Variants in TRPC5 observed in about 807,000 individuals in gnomAD.
TRPC5 encodes the protein transient receptor potential cation channel subfamily C member 5.
In TRPC5, 9 loss-of-function variants were observed where a neutral mutation model predicts 56.5. The ratio of observed to expected loss-of-function variants is 0.16; its 90% CI spans 0.10 to 0.28. TRPC5 has a LOEUF of 0.28. Ranked by LOEUF, TRPC5 falls within the 10% of genes least tolerant of loss-of-function variation. TRPC5 has a pLI of 1.00. For synonymous variants in TRPC5, 282 were observed against 278.5 expected (o/e 1.01, Z -0.13); for missense variants, 469 against 748.9 (o/e 0.63, Z 4.36).
chrX:111,964,906 A>G (rs990135719), intron 1 of TRPC5, among the ~76,000 whole-genome samples: 1 of 112,008 alleles, frequency 8.9e-6, no homozygotes, highest in Non-Finnish European at 1.9e-5. Context: ...CTAGGAAGAA[A>G]CTGCATCAAC....
chrX:111,853,831 G>T lies in TRPC5; in HGVS notation c.1176C>A (p.Asp392Glu). 2.5e-6 allele frequency: 3 copies of T among 1,212,085 alleles called. No individual in the cohort carries two copies. The highest frequency in any genetic ancestry group is 3.3e-6 in the Non-Finnish European group (3 of 895,590). Reference sequence around the variant, plus strand: ...TTGGGGGAGGCCCCTGTACATGAAGGTCTGTCCTGACAATGTGCTGAGAAG... The same window carrying T: ...TTGGGGGAGGCCCCTGTACATGAAGTTCTGTCCTGACAATGTGCTGAGAAG... The part of the protein sequence containing the change: ...LLASQHIVRT[D>E]LHVQGPPPTV... Residue 392 changes from aspartate to glutamate, a missense_variant, in exon 4 of 11, where the codon GAC becomes GAA. Coordinates refer to ENST00000262839, the MANE Select transcript of TRPC5 (RefSeq NM_012471.3).
At chrX:111,779,409 G>A (rs778320022) in intron 9 of TRPC5, among the ~76,000 whole-genome samples, 3 of 111,866 alleles carry the variant, frequency 2.7e-5, no homozygotes, top group Non-Finnish European at 5.6e-5. Context: ...ATAGTAAAAC[G>A]AGAGTTTTAT....
At chrX:111,917,824 G>A (rs1306471772) in intron 2 of TRPC5, among the ~76,000 whole-genome samples, 1 of 112,686 alleles carries the variant, frequency 8.9e-6, no homozygotes, top group African/African-American at 3.2e-5. Context: ...CCTGCCTCAG[G>A]TTCCATCATT....
chrX:111,951,888 T>G (rs959359274), intron 2 of TRPC5, among the ~76,000 whole-genome samples, 155 bp downstream of exon 2: 1 of 111,634 alleles, frequency 9.0e-6, no homozygotes, highest in African/African-American at 3.3e-5. Flanking sequence ...ATGGGCCACG[T>G]AGGGTAGCTC....
At chrX:111,935,461 C>T (rs761068150) in intron 2 of TRPC5, among the ~76,000 whole-genome samples, 1 of 111,796 alleles carries the variant, frequency 8.9e-6, no homozygotes, top group African/African-American at 3.3e-5. Context: ...TATGCAGAAG[C>T]TTTTTAATGT....
At chrX:111,991,394 G>C in intron 1 of TRPC5, among the ~76,000 whole-genome samples, 1 of 112,155 alleles carries the variant, frequency 8.9e-6, no homozygotes, top group Non-Finnish European at 1.9e-5. Flanking sequence ...TCATCATTTA[G>C]ATAATGTTAA....
At chrX:111,836,238 T>G (rs1444504019) in intron 6 of TRPC5, among the ~76,000 whole-genome samples, 1 of 112,256 alleles carries the variant, frequency 8.9e-6, no homozygotes, top group Admixed American at 9.5e-5. Context: ...GAAATCTGAA[T>G]ACAGCAATAA....
rs1344779572 is a variant in TRPC5, at chrX:111,844,395, A to C, written c.1700+2719T>G. On this transcript the variant is annotated intron_variant, in intron 6 of 10. Transcript: ENST00000262839. ...TGTCATGTGGTTGTCAGCAAGGACA[A>C]TGAGTTTCCCTTAAATTGTATGCCT... Among the ~76,000 whole-genome samples the C allele has an allele frequency of 1.8e-4, 20 of 111,148 alleles. No individual in the cohort carries two copies. The Admixed American group carries it at 1.9e-3, about 11-fold the overall frequency.
intron 1 of TRPC5, among the ~76,000 whole-genome samples, chrX:111,963,673 C>G (rs779652801): frequency 1.1e-4 from 12 of 111,611 alleles, no homozygotes; most frequent in African/African-American, 3.9e-4. Flanking sequence ...CACCAATATC[C>G]GCTGTTCTAC....
At chrX:112,008,334 G>A (rs1441613964) in intron 1 of TRPC5, among the ~76,000 whole-genome samples, 7 of 112,101 alleles carry the variant, frequency 6.2e-5, no homozygotes, top group African/African-American at 2.3e-4. Flanking sequence ...GCTCATGCCT[G>A]TAATCCCAGC....
intron 7 of TRPC5, among the ~76,000 whole-genome samples, chrX:111,793,410 G>A (rs1440238662): frequency 8.9e-6 from 1 of 111,946 alleles, no homozygotes; most frequent in Non-Finnish European, 1.9e-5. Context: ...ACATTTCTTC[G>A]AAGAAGATAC....
At chrX:111,843,873 AGTGTGT>A (rs547330564) in intron 6 of TRPC5, among the ~76,000 whole-genome samples, 1,779 of 72,530 alleles carry the variant, frequency 0.025, 18 homozygotes, top group South Asian at 0.03. Context: ...CAGTGGGATG[AGTGTGT>A]GTGTGTGTGT....
chrX:111,938,663 G>A (rs1046036029), intron 2 of TRPC5, among the ~76,000 whole-genome samples: 4 of 111,426 alleles, frequency 3.6e-5, no homozygotes, highest in East Asian at 5.6e-4. Context: ...TGATTTGCAT[G>A]TATTGAACCA....
chrX:111,835,205 G>A, intron 6 of TRPC5, 89 bp from the exon 7 acceptor site: 5 of 812,995 alleles, frequency 6.2e-6, no homozygotes, highest in Non-Finnish European at 8.7e-6. Flanking sequence ...TTAACGAAGG[G>A]GCTGCCAGAT....
chrX:111,889,341 A>G (rs1000213364), intron 3 of TRPC5, among the ~76,000 whole-genome samples: 13 of 112,216 alleles, frequency 1.2e-4, no homozygotes, highest in Admixed American at 9.4e-5. Context: ...GGACATATGT[A>G]TTTAACCTTG....
intron 1 of TRPC5, among the ~76,000 whole-genome samples, chrX:112,010,227 G>A (rs1928955798): frequency 8.9e-6 from 1 of 111,908 alleles, no homozygotes; most frequent in Admixed American, 9.5e-5. Flanking sequence ...TCTGTGAAGG[G>A]GAGATAATTA....
chrX:112,019,607 T>C (rs1929219396), intron 1 of TRPC5, among the ~76,000 whole-genome samples: 1 of 111,141 alleles, frequency 9.0e-6, no homozygotes, highest in Non-Finnish European at 1.9e-5. Context: ...GGCTAATTTT[T>C]TGTATATTTA....
intron 1 of TRPC5, among the ~76,000 whole-genome samples, chrX:111,962,730 C>A (rs946317584): frequency 8.9e-6 from 1 of 112,196 alleles, no homozygotes; most frequent in African/African-American, 3.2e-5. Context: ...AGTTTTACTG[C>A]AGGTAAAATG....
intron 3 of TRPC5, among the ~76,000 whole-genome samples, chrX:111,856,863 A>G (rs1222698796): frequency 9.2e-6 from 1 of 108,856 alleles, no homozygotes; most frequent in Non-Finnish European, 1.9e-5. Context: ...TTTAAGAGCA[A>G]TGAGAAGCCA....
Sources: allele counts gnomAD v4.1 joint callset (sites outside exome capture counted in the v4.1 genomes callset), GRCh38; gene constraint gnomAD v4.1.1; transcripts MANE v1.5; gene names NCBI Gene and HGNC (gene_info 2026-07-23, HGNC 2026-07-21).